Variants in CELF2 observed in about 807,000 individuals in gnomAD.
The protein encoded by CELF2 is CUGBP Elav-like family member 2.
CELF2 carries 8 observed loss-of-function variants against 62.6 expected under a neutral mutation model. The ratio of observed to expected loss-of-function variants is 0.13; its 90% CI spans 0.07 to 0.23. CELF2 has a LOEUF of 0.23. Ranked by LOEUF, CELF2 falls within the 10% of genes least tolerant of loss-of-function variation. CELF2 has a pLI of 1.00. For missense variants in CELF2, 333 were observed against 671.0 expected, an observed-to-expected ratio of 0.50 and a Z score of 5.56; for synonymous variants, 258 against 250.0, an observed-to-expected ratio of 1.03 and a Z score of -0.30.
chr10:10,675,081 G>A, the CELF2 span, among the ~76,000 whole-genome samples: 1 of 151,918 alleles, frequency 6.6e-6, no homozygotes, highest in Non-Finnish European at 1.5e-5. Context: ...TTTTTGATGT[G>A]CTCCCTTTAT....
In CELF2 at chr10:11,318,390, C is replaced by G; in HGVS notation, c.1097-2799C>G. The G allele has an allele frequency of 3.8e-6, 1 of 261,648 alleles. No homozygotes were observed. Among genetic ancestry groups the G allele is most frequent in the Non-Finnish European group, 7.5e-6 (1 of 133,082 alleles). 16.2% of individuals were successfully genotyped at this position (261,648 alleles called of 1,614,324 possible). On this transcript the variant is annotated intron_variant, in intron 10 of 12. Coordinates refer to ENST00000633077, the MANE Select transcript of CELF2 (RefSeq NM_001326342.2). This position sits in a 1 kb window ranked among gnomAD's most constrained non-coding sequence, Gnocchi z 5.4. The stretch of plus-strand genomic sequence containing the variant: ...CTCCCCGTGTCCCCTGACTGGTCCC[C>G]CTTGAGCATCTGCATCCCTTGCTCA...
the CELF2 span, among the ~76,000 whole-genome samples, chr10:10,728,842 G>T: frequency 6.6e-6 from 1 of 152,052 alleles, no homozygotes; most frequent in Non-Finnish European, 1.5e-5. Context: ...AACATGAACT[G>T]GTTAAATGAT....
intron 9 of CELF2, among the ~76,000 whole-genome samples, chr10:11,312,710 C>T (rs905106857): frequency 3.3e-5 from 5 of 152,130 alleles, no homozygotes; most frequent in Non-Finnish European, 5.9e-5. Flanking sequence ...CCGAGGCGGG[C>T]GGATCACGAG....
At chr10:11,273,248 G>T (rs1325282258) in intron 7 of CELF2, among the ~76,000 whole-genome samples, 1 of 152,032 alleles carries the variant, frequency 6.6e-6, no homozygotes, top group African/African-American at 2.4e-5. Context: ...TCCATGGCTT[G>T]TTAGGAACCG....
chr10:10,987,576 G>A (rs2052920048), intron 2 of CELF2, among the ~76,000 whole-genome samples: 1 of 152,104 alleles, frequency 6.6e-6, no homozygotes, highest in Admixed American at 6.6e-5. Context: ...ATGTAGTTCA[G>A]AGATAGAGCA....
intron 2 of CELF2, among the ~76,000 whole-genome samples, chr10:10,924,724 C>CTTTTTTTTTTTTTTTTTTTTTTTTT (rs745848953): frequency 1.1e-5 from 1 of 89,146 alleles, no homozygotes. Flanking sequence ...AACTTGATCG[C>CTTTTTTTTTTTTTTTTTTTTTTTTT]TTTTTTTTTT....
At chr10:10,655,581 A>G in the CELF2 span, among the ~76,000 whole-genome samples, 20 of 109,924 alleles carry the variant, frequency 1.8e-4, 1 homozygote, top group South Asian at 9.9e-3. Flanking sequence ...ATCTACAACT[A>G]ATTGATCTTT....
At chr10:11,281,491 G>A (rs1456084777) in intron 8 of CELF2, among the ~76,000 whole-genome samples, 2 of 152,168 alleles carry the variant, frequency 1.3e-5, no homozygotes, top group South Asian at 2.1e-4. Context: ...CAGGTGTGGC[G>A]GCTCACACTT....
the CELF2 span, among the ~76,000 whole-genome samples, chr10:10,633,547 G>T: frequency 7.2e-5 from 11 of 152,046 alleles, no homozygotes; most frequent in Non-Finnish European, 1.3e-4. Flanking sequence ...ACTGACATGA[G>T]TTGCAAATAT....
In CELF2 at chr10:11,145,192, C is replaced by G. The variant is rs1481600203; in HGVS notation, c.75-20294C>G. Among the ~76,000 whole-genome samples the G allele has an allele frequency of 1.3e-5, 2 of 152,176 alleles. No individual in the cohort carries two copies. The highest frequency in any genetic ancestry group is 4.8e-5 in the African/African-American group (2 of 41,442). On this transcript the variant is annotated intron_variant, in intron 1 of 12. Transcript: ENST00000633077. This position sits in a 1 kb window ranked among gnomAD's most constrained non-coding sequence, Gnocchi z 4.3. ...TACCATAATCCATGAAAGGAAAAAGCCCAGGCTAAAAATACAGAACAGAAC... is the reference window on the plus strand; with the variant it reads ...TACCATAATCCATGAAAGGAAAAAGGCCAGGCTAAAAATACAGAACAGAAC...
At chr10:10,922,607 G>C (rs1167087615) in intron 2 of CELF2, 1 of 152,212 alleles carries the variant, frequency 6.6e-6, no homozygotes, top group African/African-American at 2.4e-5. Context: ...ATGATCTTTT[G>C]TAGCTGGTTT....
rs905472069 is a variant in CELF2 at position 11,334,965 on chromosome 10, C to G, written c.*5912C>G. The G allele has an allele frequency of 1.3e-5, 2 of 152,190 alleles. No individual in the cohort carries two copies. Among genetic ancestry groups the G allele is most frequent in the Non-Finnish European group, 2.9e-5 (2 of 68,036 alleles). The allele number at this position is 152,190 out of a possible 1,614,324, so 9.4% of individuals were successfully genotyped here. On this transcript the variant is annotated 3_prime_UTR_variant, in exon 13 of 13. Transcript: ENST00000633077. ...TCTACAAGCTAATTGAATCCAGGAGCAGCTTTAATTATTAACACTAACGGA... is the reference window on the plus strand; with the variant it reads ...TCTACAAGCTAATTGAATCCAGGAGGAGCTTTAATTATTAACACTAACGGA...
chr10:11,201,472 A>G (rs552716513), intron 2 of CELF2, among the ~76,000 whole-genome samples: 2 of 152,306 alleles, frequency 1.3e-5, no homozygotes, highest in South Asian at 2.1e-4. Flanking sequence ...AGGAGAGGAA[A>G]GAAAGTATGG....
chr10:10,560,146 G>A, the CELF2 span, among the ~76,000 whole-genome samples: 7 of 152,178 alleles, frequency 4.6e-5, no homozygotes, highest in Non-Finnish European at 8.8e-5. Context: ...AAGTATAGCT[G>A]CCCCATAATA....
chr10:10,964,544 TC>T (rs1366044651), intron 2 of CELF2, among the ~76,000 whole-genome samples: 2 of 152,236 alleles, frequency 1.3e-5, no homozygotes, highest in Admixed American at 1.3e-4. Flanking sequence ...AGTGAGGCCA[TC>T]CACCTTTCAA....
the CELF2 span, among the ~76,000 whole-genome samples, chr10:10,541,242 CAA>C: frequency 1.0e-3 from 117 of 112,902 alleles, no homozygotes; most frequent in Non-Finnish European, 1.0e-3. Context: ...GACCCCATCT[CAA>C]AAAAAAAAAA....
intron 8 of CELF2, among the ~76,000 whole-genome samples, chr10:11,281,287 C>G (rs1416457426): frequency 6.6e-6 from 1 of 152,044 alleles, no homozygotes; most frequent in East Asian, 1.9e-4. Context: ...GACCCTGAAC[C>G]CTGTCAGGGA....
At chr10:11,006,421 G>C (rs2137164470) in intron 1 of CELF2, among the ~76,000 whole-genome samples, 1 of 152,302 alleles carries the variant, frequency 6.6e-6, no homozygotes. Context: ...TTAAGTTAGA[G>C]ATTTATTTCT....
At chr10:10,822,964 A>G (rs1222082974) in intron 1 of CELF2, among the ~76,000 whole-genome samples, 1 of 152,220 alleles carries the variant, frequency 6.6e-6, no homozygotes, top group Non-Finnish European at 1.5e-5. Context: ...GGCAAGGTTA[A>G]ATTCATTAGA....
Sources: gnomAD v4.1 joint callset for allele counts (sites outside exome capture counted in the v4.1 genomes callset) on GRCh38, gnomAD v4.1.1 for gene constraint, Gnocchi (gnomAD v3.1) non-coding constraint, MANE v1.5 for transcripts, NCBI Gene and HGNC (gene_info 2026-07-23, HGNC 2026-07-21) for gene names.